ANO2: variants seen among roughly 807,000 people sequenced by gnomAD.
The protein encoded by ANO2 is anoctamin 2.
ANO2 carries 101 observed loss-of-function variants against 124.2 expected under a neutral mutation model. The ratio of observed to expected loss-of-function variants is 0.81; its 90% CI spans 0.69 to 0.96. ANO2 has a LOEUF of 0.96. ANO2 is among the 40% of genes least tolerant of loss of function. The pLI is 0.00. For synonymous variants in ANO2, 486 were observed against 482.5 expected, an observed-to-expected ratio of 1.01 and a Z score of -0.09; for missense variants, 1,293 against 1,274.5, an observed-to-expected ratio of 1.01 and a Z score of -0.22.
intron 14 of ANO2, among the ~76,000 whole-genome samples, chr12:5,671,524 TGA>T (rs1452164309): frequency 1.3e-5 from 2 of 151,692 alleles, no homozygotes; most frequent in African/African-American, 4.8e-5. Flanking sequence ...CGTGTGTGTG[TGA>T]GTGTGTGTGT....
rs1947693389 is a variant in ANO2, at chr12:5,665,940, G to A, written c.1546-18139C>T. On this transcript the variant is annotated intron_variant, in intron 14 of 24. Coordinates refer to ENST00000682330, the MANE Select transcript of ANO2 (RefSeq NM_001364791.2). ...AACAAATGATTAACGCACAGAAGTG[G>A]CTGGAGTTGGCCTCCAGAACACGCA... 2.0e-5 allele frequency among the ~76,000 whole-genome samples: 3 copies of A among 152,102 alleles called. 1 individual carries two copies. Among genetic ancestry groups the A allele is most frequent in the Admixed American group, 2.0e-4 (3 of 15,272 alleles).
chr12:5,822,206 G>T (rs772702085), intron 7 of ANO2, among the ~76,000 whole-genome samples: 1 of 152,318 alleles, frequency 6.6e-6, no homozygotes, highest in East Asian at 1.9e-4. Context: ...ACTGATTCAC[G>T]GGCTGTAGCC....
intron 14 of ANO2, among the ~76,000 whole-genome samples, chr12:5,704,460 C>A (rs537868878): frequency 6.6e-6 from 1 of 152,210 alleles, no homozygotes; most frequent in Admixed American, 6.5e-5. Flanking sequence ...ACAATCCTGT[C>A]ATTGGAAGCT....
chr12:5,630,350 G>A (rs995867391), intron 16 of ANO2, among the ~76,000 whole-genome samples: 1 of 152,182 alleles, frequency 6.6e-6, no homozygotes, highest in Non-Finnish European at 1.5e-5. Flanking sequence ...GGAGCCTGGG[G>A]GAACCCTGTA....
chr12:5,747,375 C>A lies in ANO2; in HGVS notation c.1191-3058G>T, dbSNP rs570917355. On this transcript the variant is annotated intron_variant, in intron 11 of 24. Transcript: ENST00000682330. ...TTCAATATTGGTTTTTAGAGAATATCCCTTTGTTTATAAGGAGTGGCATTT... is the reference window on the plus strand; with the variant it reads ...TTCAATATTGGTTTTTAGAGAATATACCTTTGTTTATAAGGAGTGGCATTT... Among the ~76,000 whole-genome samples, 3 of 152,244 alleles carry A rather than the reference C, an allele frequency of 2.0e-5. No homozygotes were observed. The East Asian group carries it at 5.8e-4, about 29-fold the overall frequency.
chr12:5,864,209 G>A (rs1955358757), intron 3 of ANO2, among the ~76,000 whole-genome samples: 1 of 152,190 alleles, frequency 6.6e-6, no homozygotes, highest in Non-Finnish European at 1.5e-5. Flanking sequence ...ACCAAGTGAG[G>A]ATGAAGATAA....
intron 7 of ANO2, among the ~76,000 whole-genome samples, chr12:5,817,621 C>T (rs1157004308): frequency 6.6e-6 from 1 of 151,950 alleles, no homozygotes; most frequent in Non-Finnish European, 1.5e-5. Flanking sequence ...AAAACACAGG[C>T]AGGACATTCA....
intron 15 of ANO2, among the ~76,000 whole-genome samples, chr12:5,647,389 C>T (rs553723180): frequency 6.6e-6 from 1 of 152,358 alleles, no homozygotes; most frequent in African/African-American, 2.4e-5. Flanking sequence ...CCTGTGGCTT[C>T]CAGACCCTGG....
At chr12:5,578,235 T>G in intron 21 of ANO2, 131 bp downstream of exon 21, 2 of 1,357,198 alleles carry the variant, frequency 1.5e-6, no homozygotes, top group South Asian at 1.4e-5. Context: ...CTTCAGGATA[T>G]GAGGATGAGG....
chr12:5,933,265 G>T (rs1472339442), intron 1 of ANO2, among the ~76,000 whole-genome samples: 1 of 152,168 alleles, frequency 6.6e-6, no homozygotes, highest in Non-Finnish European at 1.5e-5. Context: ...TCCAGAGAAT[G>T]AACTGCCTGC....
At chr12:5,760,736 C>A (rs1003398390) in intron 10 of ANO2, among the ~76,000 whole-genome samples, 6 of 151,876 alleles carry the variant, frequency 4.0e-5, no homozygotes, top group Admixed American at 6.6e-5. Context: ...TTAAACTTAA[C>A]CCTCTCCTCA....
intron 1 of ANO2, among the ~76,000 whole-genome samples, chr12:5,926,643 AT>A (rs1476653293): frequency 6.6e-6 from 1 of 152,178 alleles, no homozygotes; most frequent in East Asian, 1.9e-4. Flanking sequence ...GACCCAGAAA[AT>A]CCAAAGCAAT....
intron 12 of ANO2, among the ~76,000 whole-genome samples, chr12:5,742,223 G>A (rs1486622180): frequency 6.6e-6 from 1 of 152,054 alleles, no homozygotes; most frequent in Non-Finnish European, 1.5e-5. Context: ...CCTGAACCAG[G>A]CCCACCCAGC....
At chr12:5,944,681 T>C (rs1022681356) in intron 1 of ANO2, among the ~76,000 whole-genome samples, 15 of 152,206 alleles carry the variant, frequency 9.9e-5, no homozygotes, top group Admixed American at 7.9e-4. Context: ...CTTGGAACCC[T>C]TCCTGAATGC....
intron 4 of ANO2, among the ~76,000 whole-genome samples, chr12:5,844,613 CG>C (rs1954622242): frequency 6.6e-6 from 1 of 152,088 alleles, no homozygotes; most frequent in Non-Finnish European, 1.5e-5. Flanking sequence ...TCTTACTGTA[CG>C]GGTGAGAAAG....
At chr12:5,726,988 T>C (rs148227453) in intron 14 of ANO2, among the ~76,000 whole-genome samples, 1 of 152,360 alleles carries the variant, frequency 6.6e-6, no homozygotes, top group Non-Finnish European at 1.5e-5. Flanking sequence ...TATATGGTTA[T>C]CACCTCATTA....
intron 10 of ANO2, among the ~76,000 whole-genome samples, chr12:5,784,712 GA>G (rs1438980050): frequency 6.6e-6 from 1 of 152,164 alleles, no homozygotes; most frequent in African/African-American, 2.4e-5. Context: ...TTAAATGAAA[GA>G]AGGGCTGGGA....
chr12:5,733,653 G>A (rs3782639), intron 13 of ANO2, among the ~76,000 whole-genome samples: 19,554 of 152,140 alleles, frequency 0.13, 1,570 homozygotes, highest in African/African-American at 0.23. Flanking sequence ...CCCAAGACAC[G>A]CCATGATGCA....
chr12:5,600,869 C>A (rs1267986330), intron 19 of ANO2, among the ~76,000 whole-genome samples: 7 of 152,158 alleles, frequency 4.6e-5, no homozygotes, highest in Non-Finnish European at 1.0e-4. Flanking sequence ...ACCACCCAAC[C>A]CCTGTGTAGA....
Sources: gnomAD v4.1 joint callset for allele counts (sites outside exome capture counted in the v4.1 genomes callset) on GRCh38, gnomAD v4.1.1 for gene constraint, MANE v1.5 for transcripts, NCBI Gene and HGNC (gene_info 2026-07-23, HGNC 2026-07-21) for gene names.